ZNF367: variants seen among roughly 807,000 people sequenced by gnomAD.
The protein encoded by ZNF367 is zinc finger protein 367, also known as C2H2 zinc finger protein ZFF29.
A neutral mutation model predicts 31.8 loss-of-function variants in ZNF367; 11 were observed. The ratio of observed to expected loss-of-function variants is 0.35; its 90% CI spans 0.22 to 0.57. ZNF367 has a LOEUF of 0.57. Ranked by LOEUF, ZNF367 falls within the 20% of genes least tolerant of loss-of-function variation. The pLI is 0.85. For missense variants in ZNF367, 353 were observed against 484.1 expected (o/e 0.73, Z 2.54); for synonymous variants, 199 against 202.4 (o/e 0.98, Z 0.14).
At chr9:96,411,317 CAGG>C (rs1376212169) in intron 1 of ZNF367, among the ~76,000 whole-genome samples, 3 of 151,608 alleles carry the variant, frequency 2.0e-5, no homozygotes, top group Non-Finnish European at 4.4e-5. Flanking sequence ...GAATTTGAGG[CAGG>C]AGAATTGCTT....
intron 1 of ZNF367, among the ~76,000 whole-genome samples, chr9:96,403,472 GT>G (rs945899859): frequency 7.2e-5 from 11 of 151,784 alleles, no homozygotes; most frequent in African/African-American, 1.2e-4. Flanking sequence ...AATTCCAGGG[GT>G]TTTTTTTCTT....
chr9:96,416,072 G>GTTTTT (rs796791097), intron 1 of ZNF367, among the ~76,000 whole-genome samples: 1 of 139,538 alleles, frequency 7.2e-6, no homozygotes, highest in Admixed American at 7.2e-5. Flanking sequence ...CTCTGTTATG[G>GTTTTT]TTTTTTTTTT....
intron 1 of ZNF367, among the ~76,000 whole-genome samples, chr9:96,400,412 A>G (rs1831587489): frequency 6.8e-6 from 1 of 147,516 alleles, no homozygotes; most frequent in African/African-American, 2.5e-5. Flanking sequence ...AAAAAAAAAA[A>G]GGAAAAGAAA....
intron 3 of ZNF367, among the ~76,000 whole-genome samples, chr9:96,393,807 G>A (rs1831499584): frequency 6.6e-6 from 1 of 152,158 alleles, no homozygotes; most frequent in Non-Finnish European, 1.5e-5. Flanking sequence ...CTCCAGCCTG[G>A]GCAACAAGAG....
rs1831416398 is a variant in ZNF367 at position 96,387,212 on chromosome 9, C to G, written c.*1025G>C. The G allele has an allele frequency of 6.6e-6, 1 of 152,134 alleles. No individual in the cohort carries two copies. Among genetic ancestry groups the G allele is most frequent in the African/African-American group, 2.4e-5 (1 of 41,454 alleles). The allele number at this position is 152,134 out of a possible 1,614,324, so 9.4% of individuals were successfully genotyped here. A position where few individuals can be genotyped will look rare whatever the true frequency, so the allele number is the denominator to read the frequency against. On this transcript the variant is annotated 3_prime_UTR_variant, in exon 5 of 5. Transcript: ENST00000375256. ...GCTAAATTTAGTGAACACAAAATAG[C>G]TTGGCATGTTACTCTGAAGTAAAGC...
chr9:96,412,692 C>CTTTTTTTTTTTTT (rs1831766155), intron 1 of ZNF367, among the ~76,000 whole-genome samples: 1 of 135,208 alleles, frequency 7.4e-6, no homozygotes, highest in Non-Finnish European at 1.6e-5. Context: ...TTTTCTTTTT[C>CTTTTTTTTTTTTT]TTTTCTTTTT....
chr9:96,416,174 G>A (rs1831828161), intron 1 of ZNF367, among the ~76,000 whole-genome samples: 1 of 142,668 alleles, frequency 7.0e-6, no homozygotes, highest in African/African-American at 2.6e-5. Flanking sequence ...TGCAAGCTCC[G>A]CCTCCCGCTT....
chr9:96,418,083 C>G lies in ZNF367; in HGVS notation c.-51G>C, dbSNP rs898778525. ...CGGCCCCGGGCCGCACTCCTGAGCACCGCTCTGCCCCTCACTCGCTCTGCT... is the reference window on the plus strand; with the variant it reads ...CGGCCCCGGGCCGCACTCCTGAGCAGCGCTCTGCCCCTCACTCGCTCTGCT... On this transcript the variant is annotated 5_prime_UTR_variant, in exon 1 of 5. Coordinates refer to ENST00000375256, the MANE Select transcript of ZNF367 (RefSeq NM_153695.4). 10 of 1,321,960 alleles carry G rather than the reference C, an allele frequency of 7.6e-6. No individual in the cohort carries two copies. In the African/African-American group the frequency reaches 1.5e-4, roughly 20 times the overall value. 81.9% of individuals were successfully genotyped at this position (1,321,960 alleles called of 1,614,324 possible).
At chr9:96,403,666 T>C (rs1831636722) in intron 1 of ZNF367, among the ~76,000 whole-genome samples, 1 of 152,238 alleles carries the variant, frequency 6.6e-6, no homozygotes, top group African/African-American at 2.4e-5. Flanking sequence ...AGGAAAGACA[T>C]ATAGACCAAT....
chr9:96,397,927 TA>T (rs1162042261), intron 2 of ZNF367, among the ~76,000 whole-genome samples: 1 of 151,176 alleles, frequency 6.6e-6, no homozygotes, highest in Non-Finnish European at 1.5e-5. Flanking sequence ...CCATCTCTAC[TA>T]AAAATACAAA....
intron 1 of ZNF367, among the ~76,000 whole-genome samples, chr9:96,412,728 C>A (rs1365142161): frequency 6.9e-6 from 1 of 144,560 alleles, no homozygotes; most frequent in Non-Finnish European, 1.5e-5. Flanking sequence ...CAGAATCTCG[C>A]TTAGTCGCCC....
rs756311079 is a variant in ZNF367 at position 96,398,245 on chromosome 9, A to G, written c.490T>C (p.Ser164Pro). Reference protein sequence around the residue: ...RDLINEGEHSSSRIRCNICNR... With the variant: ...RDLINEGEHSPSRIRCNICNR... ...CAGATGTTACAACGGATTCTGCTGGATGAATGCTCTCCTTCATTTATTAAA... is the reference window on the plus strand; with the variant it reads ...CAGATGTTACAACGGATTCTGCTGGGTGAATGCTCTCCTTCATTTATTAAA... The change falls in exon 2 of 5, where the codon TCC becomes CCC. Residue 164 changes from serine (S) to proline (P), a missense_variant. By Grantham distance (74) the Ser-to-Pro change is moderately conservative (BLOSUM62 -1). Around this residue, in one of 5 missense-constraint regions of ZNF367, gnomAD observed 57 missense variants for 141.9 expected, o/e 0.40. Transcript: ENST00000375256. 6.2e-7 allele frequency: 1 copy of G among 1,613,778 alleles called. No individual in the cohort carries two copies.
At chr9:96,414,356 AAAG>A (rs1587750562) in intron 1 of ZNF367, among the ~76,000 whole-genome samples, 1 of 152,372 alleles carries the variant, frequency 6.6e-6, no homozygotes, top group Admixed American at 6.5e-5. Context: ...CTACATGAGA[AAAG>A]AAAAAAGCAG....
chr9:96,393,813 A>G (rs1460084160), intron 3 of ZNF367, among the ~76,000 whole-genome samples: 1 of 152,236 alleles, frequency 6.6e-6, no homozygotes, highest in East Asian at 1.9e-4. Flanking sequence ...CCTGGGCAAC[A>G]AGAGCAAAAC....
chr9:96,416,677 C>T (rs1021660798), intron 1 of ZNF367, among the ~76,000 whole-genome samples: 2 of 152,158 alleles, frequency 1.3e-5, no homozygotes, highest in African/African-American at 4.8e-5. Flanking sequence ...ACAAATGGAA[C>T]CTGGATATTA....
rs1353344803 is a variant in ZNF367, at chr9:96,386,011, ACT to A, written c.*2224_*2225del. 2 of 152,318 alleles carry A rather than the reference ACT, an allele frequency of 1.3e-5. No individual in the cohort carries two copies. The highest frequency in any genetic ancestry group is 3.9e-4 in the East Asian group (2 of 5,188). The allele number at this position is 152,318 out of a possible 1,614,324, so 9.4% of individuals were successfully genotyped here. A position where few individuals can be genotyped will look rare whatever the true frequency, so the allele number is the denominator to read the frequency against. On this transcript the variant is annotated 3_prime_UTR_variant, in exon 5 of 5. Coordinates refer to ENST00000375256, the MANE Select transcript of ZNF367 (RefSeq NM_153695.4). ...CAGCATGTTTATTCTTATGCTGTTA[ACT>A]CTGCCAAACTACAACTTAGCCATAT...
chr9:96,411,103 G>T (rs1327089453), intron 1 of ZNF367, among the ~76,000 whole-genome samples: 4 of 151,398 alleles, frequency 2.6e-5, no homozygotes, highest in Admixed American at 2.6e-4. Context: ...AGGATCACTT[G>T]AACCCGATAG....
intron 1 of ZNF367, among the ~76,000 whole-genome samples, chr9:96,404,631 G>A (rs1350058864): frequency 2.2e-5 from 3 of 134,574 alleles, no homozygotes; most frequent in Non-Finnish European, 4.6e-5. Context: ...GCGAGCCTCC[G>A]TCTCCAAAAA....
chr9:96,401,084 A>G (rs940824272), intron 1 of ZNF367, among the ~76,000 whole-genome samples: 5 of 152,164 alleles, frequency 3.3e-5, no homozygotes, highest in East Asian at 3.9e-4. Context: ...AAATTATCCA[A>G]GTGTGGGGGT....
Sources: allele counts gnomAD v4.1 joint callset (sites outside exome capture counted in the v4.1 genomes callset), GRCh38; gene constraint gnomAD v4.1.1; regional missense constraint gnomAD v4.1.1; transcripts MANE v1.5; gene names NCBI Gene and HGNC (gene_info 2026-07-23, HGNC 2026-07-21).